Variants in UNC80 observed in about 807,000 individuals in gnomAD.
The protein encoded by UNC80 is protein unc-80 homolog.
UNC80 carries 164 observed loss-of-function variants against 384.6 expected under a neutral mutation model. The ratio of observed to expected loss-of-function variants is 0.43; its 90% confidence interval spans 0.38 to 0.49. The LOEUF is 0.49. Among genes scored for constraint, UNC80 ranks in the 20% least tolerant of loss-of-function variants. UNC80 has a pLI of 0.00. For missense variants in UNC80, 3,330 were observed against 4,143.0 expected, an observed-to-expected ratio of 0.80 and a Z score of 5.39; for synonymous variants, 1,486 against 1,527.8, an observed-to-expected ratio of 0.97 and a Z score of 0.64.
chr2:209,882,883 T>A (rs2085422285), intron 25 of UNC80, among the ~76,000 whole-genome samples: 1 of 152,320 alleles, frequency 6.6e-6, no homozygotes, highest in South Asian at 2.1e-4. Flanking sequence ...TGGTCCTTAT[T>A]ATTGTAACAA....
chr2:209,827,586 C>T (rs2080632778), intron 14 of UNC80, among the ~76,000 whole-genome samples: 1 of 152,058 alleles, frequency 6.6e-6, no homozygotes, highest in Non-Finnish European at 1.5e-5. Flanking sequence ...CTATTATCTC[C>T]TTCTGTTTAA....
chr2:209,791,841 A>AT (rs1013351893), intron 6 of UNC80, among the ~76,000 whole-genome samples: 2 of 149,244 alleles, frequency 1.3e-5, no homozygotes, highest in Non-Finnish European at 3.0e-5. Context: ...AAAAAAAAAA[A>AT]AAAAAAAGAT....
In UNC80 at chr2:209,913,921, G is replaced by A; in HGVS notation, c.5010G>A (p.Glu1670=). 6 of 1,548,552 alleles carry A rather than the reference G, an allele frequency of 3.9e-6. No homozygotes were observed. Among genetic ancestry groups the A allele is most frequent in the South Asian group, 1.2e-5 (1 of 83,664 alleles). Residue 1670 remains glutamate (E), a synonymous_variant, in exon 31 of 65, where the codon GAG becomes GAA. Coordinates refer to ENST00000673920, the MANE Select transcript of UNC80 (RefSeq NM_001371986.1). ...GGGAGCTCCTGCTCAGCATGGATGA[G>A]CACATGGCAGGGGCAGCAGGTAAAG... The part of the protein sequence containing the change: ...AAWELLLSMD[E]HMAGAAAAMF...
Position 209,929,731 on chromosome 2 carries a change from C to T in UNC80, c.5807-140C>T, listed in dbSNP as rs551861171. On this transcript the variant is annotated intron_variant, in intron 36 of 64. Transcript: ENST00000673920. ...AGACAACAACGAAGAGAACAAACAC[C>T]TACGTTGCAAAAGAAAAAAGAGTTC... 8.9e-6 allele frequency: 5 copies of T among 562,630 alleles called. No individual in the cohort carries two copies. In the East Asian group the frequency reaches 1.6e-4, roughly 19 times the overall value. 34.9% of individuals were successfully genotyped at this position (562,630 alleles called of 1,614,324 possible). A position where few individuals can be genotyped will look rare whatever the true frequency, so the allele number is the denominator to read the frequency against.
At chr2:209,866,381 C>G (rs969237658) in intron 22 of UNC80, among the ~76,000 whole-genome samples, 7 of 151,868 alleles carry the variant, frequency 4.6e-5, no homozygotes, top group Non-Finnish European at 1.0e-4. Flanking sequence ...GCAGTTTTGC[C>G]CATCAGGGAA....
chr2:209,792,723 A>G (rs905686412), intron 6 of UNC80, among the ~76,000 whole-genome samples: 2 of 152,182 alleles, frequency 1.3e-5, no homozygotes, highest in African/African-American at 2.4e-5. Flanking sequence ...ATTAAAAACA[A>G]TTTCACCTGT....
chr2:209,855,962 A>G (rs1451150512), intron 22 of UNC80, among the ~76,000 whole-genome samples: 2 of 152,144 alleles, frequency 1.3e-5, no homozygotes, highest in East Asian at 3.9e-4. Context: ...ATTTTTCTGT[A>G]TGGGTCTCTA....
At chr2:209,930,891 G>A (rs2090809013) in intron 37 of UNC80, 77 bp from the exon 38 acceptor site, 10 of 1,076,620 alleles carry the variant, frequency 9.3e-6, no homozygotes, top group South Asian at 3.2e-5. Flanking sequence ...ACCCAATCCC[G>A]AATTTTCAAG....
At position 209,831,450 on chromosome 2, in the gene UNC80, T is replaced by C. The variant is rs1479360658; in HGVS notation, c.2634T>C (p.Ala878=). ...FCMEPVTDNK[A]GFGNNFTTVD... is the part of the protein sequence containing the mutation. ...TGTGCCTTTGCATTCCAGACAAGGC[T>C]GGGTTTGGAAATAACTTCACCACAG... Residue 878 remains alanine, a synonymous_variant, in exon 16 of 65, where the codon GCT becomes GCC. Transcript: ENST00000673920. The C allele has an allele frequency of 2.6e-5, 41 of 1,548,492 alleles. No individual in the cohort carries two copies. Among genetic ancestry groups the C allele is most frequent in the Non-Finnish European group, 3.6e-5 (41 of 1,145,764 alleles).
At chr2:209,949,332 C>G (rs2092049946) in intron 47 of UNC80, among the ~76,000 whole-genome samples, 1 of 152,146 alleles carries the variant, frequency 6.6e-6, no homozygotes, top group African/African-American at 2.4e-5. Flanking sequence ...TTATTAACTA[C>G]CCACTGGTAA....
At chr2:209,863,228 G>T (rs919017942) in intron 22 of UNC80, among the ~76,000 whole-genome samples, 2 of 152,118 alleles carry the variant, frequency 1.3e-5, no homozygotes, top group Non-Finnish European at 2.9e-5. Context: ...GCTTCCCTTT[G>T]TAGGTGACCT....
chr2:209,983,085 G>A (rs1461482779), intron 60 of UNC80, among the ~76,000 whole-genome samples: 3 of 152,024 alleles, frequency 2.0e-5, no homozygotes, highest in African/African-American at 7.2e-5. Flanking sequence ...TCAAGGAATT[G>A]ACCTTATGTG....
chr2:209,880,855 C>A, intron 24 of UNC80, 106 bp from the exon 25 acceptor site: 1 of 1,089,942 alleles, frequency 9.2e-7, no homozygotes, highest in Non-Finnish European at 1.3e-6. Flanking sequence ...GTAACATTCT[C>A]ATATGCAATT....
At chr2:209,818,589 AG>A (rs2079911973) in intron 11 of UNC80, among the ~76,000 whole-genome samples, 1 of 152,330 alleles carries the variant, frequency 6.6e-6, no homozygotes, top group East Asian at 1.9e-4. Flanking sequence ...TAGCCAAAGG[AG>A]AAAAAAATTA....
intron 27 of UNC80, 147 bp from the exon 28 acceptor site, chr2:209,896,166 C>A: frequency 1.5e-6 from 1 of 679,326 alleles, no homozygotes; most frequent in Non-Finnish European, 2.6e-6. Flanking sequence ...GTTAATATTC[C>A]TCCAACAAAG....
intron 23 of UNC80, among the ~76,000 whole-genome samples, chr2:209,877,494 C>G (rs2084885969): frequency 6.6e-6 from 1 of 152,116 alleles, no homozygotes; most frequent in African/African-American, 2.4e-5. Flanking sequence ...AAAATTGCAG[C>G]AACAGAATTC....
intron 28 of UNC80, among the ~76,000 whole-genome samples, chr2:209,897,785 G>T (rs1042080568): frequency 6.6e-6 from 1 of 152,126 alleles, no homozygotes. Flanking sequence ...CAAGCATTGT[G>T]TAAGAACAGT....
At chr2:209,867,547 G>A (rs2083940636) in intron 22 of UNC80, among the ~76,000 whole-genome samples, 1 of 152,012 alleles carries the variant, frequency 6.6e-6, no homozygotes, top group African/African-American at 2.4e-5. Context: ...GCCAAACCTT[G>A]TCAGGCAAAC....
intron 38 of UNC80, among the ~76,000 whole-genome samples, chr2:209,933,427 C>T (rs2091031530): frequency 6.6e-6 from 1 of 151,966 alleles, no homozygotes; most frequent in African/African-American, 2.4e-5. Flanking sequence ...AGTTCATCAA[C>T]TTAGCCAAGC....
Sources: allele counts gnomAD v4.1 joint callset (sites outside exome capture counted in the v4.1 genomes callset), GRCh38; gene constraint gnomAD v4.1.1; transcripts MANE v1.5; gene names NCBI Gene and HGNC (gene_info 2026-07-23, HGNC 2026-07-21).